CTNNA2: variants seen among roughly 807,000 people sequenced by gnomAD.
The protein encoded by CTNNA2 is catenin alpha 2.
Under a neutral mutation model 101.0 loss-of-function variants are expected in CTNNA2, and 42 were observed. That is an observed-to-expected ratio of 0.42 (90% CI 0.32 to 0.54). The LOEUF is 0.54. CTNNA2 is among the 20% of genes least tolerant of loss of function. CTNNA2 has a pLI of 0.14. For synonymous variants in CTNNA2, 450 were observed against 456.4 expected, an observed-to-expected ratio of 0.99 and a Z score of 0.18; for missense variants, 871 against 1,223.1, an observed-to-expected ratio of 0.71 and a Z score of 4.29.
chr2:79,503,629 T>C (rs998565293), intron 4 of CTNNA2, among the ~76,000 whole-genome samples: 4 of 152,176 alleles, frequency 2.6e-5, no homozygotes, highest in African/African-American at 9.7e-5. Flanking sequence ...CCATACACTA[T>C]GTAGTATCAG....
At chr2:79,724,595 C>A (rs966835452) in intron 2 of CTNNA2, among the ~76,000 whole-genome samples, 8 of 151,930 alleles carry the variant, frequency 5.3e-5, no homozygotes, top group Non-Finnish European at 5.9e-5. Flanking sequence ...GCGGTCGCAT[C>A]AGGAGGTCAG....
At chr2:80,022,527 A>G (rs1205165649) in intron 7 of CTNNA2, among the ~76,000 whole-genome samples, 1 of 152,128 alleles carries the variant, frequency 6.6e-6, no homozygotes. Context: ...GTACTTTGGG[A>G]GGCTGAGGCA....
intron 6 of CTNNA2, among the ~76,000 whole-genome samples, chr2:79,909,303 A>C (rs1685631410): frequency 6.6e-6 from 1 of 152,262 alleles, no homozygotes; most frequent in Non-Finnish European, 1.5e-5. Context: ...CGTATTTTAA[A>C]AATGCCAAAA....
At chr2:80,505,118 T>C (rs1180406493) in intron 9 of CTNNA2, among the ~76,000 whole-genome samples, 1 of 152,118 alleles carries the variant, frequency 6.6e-6, no homozygotes, top group Non-Finnish European at 1.5e-5. Context: ...TATGTTCACA[T>C]TGGAGAATAA....
At chr2:79,371,329 C>A (rs1481522516) in intron 3 of CTNNA2, among the ~76,000 whole-genome samples, 2 of 151,952 alleles carry the variant, frequency 1.3e-5, no homozygotes, top group African/African-American at 4.8e-5. Context: ...GACGAGCAGG[C>A]AAATGCACCG....
chr2:79,534,555 T>TA (rs1672940503), intron 1 of CTNNA2, among the ~76,000 whole-genome samples: 1 of 152,042 alleles, frequency 6.6e-6, no homozygotes, highest in Admixed American at 6.6e-5. Flanking sequence ...GTAAGCCTCA[T>TA]AGAGTTGAGG....
intron 3 of CTNNA2, among the ~76,000 whole-genome samples, chr2:79,755,539 T>C (rs1226857684): frequency 6.6e-6 from 1 of 152,184 alleles, no homozygotes; most frequent in Non-Finnish European, 1.5e-5. Context: ...TACAAGTGTT[T>C]CTCAGAGTGA....
rs1553418423 is a variant in CTNNA2 at position 80,639,513 on chromosome 2, A to ATATGTGTGTGTGTG, written c.2575-8071_2575-8070insATGTGTGTGTGTGT. 1.6e-4 allele frequency among the ~76,000 whole-genome samples: 24 copies of ATATGTGTGTGTGTG among 147,518 alleles called. No homozygotes were observed. The South Asian group carries it at 3.7e-3, about 23-fold the overall frequency. The stretch of plus-strand genomic sequence containing the variant: ...GCATGAACCACCATGCCCAGCCTTG[A>ATATGTGTGTGTGTG]TGTGTGTGTGTGTGTGTGTGTGTGT... On this transcript the variant is annotated intron_variant, in intron 18 of 18. Coordinates refer to ENST00000402739, the MANE Select transcript of CTNNA2 (RefSeq NM_001282597.3).
rs952867406 is a variant in CTNNA2 at position 79,224,020 on chromosome 2, G to A, written c.-406+25944G>A. Among the ~76,000 whole-genome samples the A allele has an allele frequency of 2.6e-5, 4 of 152,202 alleles. No homozygotes were observed. In the East Asian group the frequency reaches 7.7e-4, roughly 29 times the overall value. On this transcript the variant is annotated intron_variant, in intron 2 of 21. Coordinates refer to the CTNNA2 transcript ENST00000466387. ...CAGACTTTGAAATCAGTAATAGGTT[G>A]AGATAAAAGCATTCTTCCGTTGTAC...
chr2:79,601,117 C>A (rs1458793635), intron 1 of CTNNA2, among the ~76,000 whole-genome samples: 2 of 152,078 alleles, frequency 1.3e-5, no homozygotes, highest in Non-Finnish European at 2.9e-5. Context: ...GTTCACATTG[C>A]AGATAGAAAT....
chr2:80,560,054 CA>C (rs70940085), intron 12 of CTNNA2, among the ~76,000 whole-genome samples: 114 of 54,998 alleles, frequency 2.1e-3, no homozygotes, highest in African/African-American at 6.6e-3. Context: ...AACAATAGAC[CA>C]AAAAAAAAAA....
chr2:79,652,778 A>G (rs1322538015), intron 2 of CTNNA2, among the ~76,000 whole-genome samples: 4 of 152,124 alleles, frequency 2.6e-5, no homozygotes, highest in African/African-American at 9.7e-5. Context: ...CTGGCTCCCC[A>G]AAGATTCAGA....
chr2:80,466,677 A>G (rs1684881237), intron 9 of CTNNA2, among the ~76,000 whole-genome samples: 1 of 152,236 alleles, frequency 6.6e-6, no homozygotes, highest in Non-Finnish European at 1.5e-5. Context: ...TGATTGATAC[A>G]TGAAAAGTTC....
At chr2:80,620,351 CTCA>C (rs1558651012) in intron 18 of CTNNA2, among the ~76,000 whole-genome samples, 1 of 151,470 alleles carries the variant, frequency 6.6e-6, no homozygotes. Flanking sequence ...TCCTTTCTGT[CTCA>C]TCAACGGCTT....
At chr2:80,114,567 G>T (rs563175175) in intron 7 of CTNNA2, among the ~76,000 whole-genome samples, 2 of 152,124 alleles carry the variant, frequency 1.3e-5, no homozygotes, top group Non-Finnish European at 2.9e-5. Flanking sequence ...AAAAAATAAA[G>T]AAGCAGCAAA....
chr2:80,201,992 A>G (rs1315758161), intron 7 of CTNNA2, among the ~76,000 whole-genome samples: 2 of 152,188 alleles, frequency 1.3e-5, no homozygotes, highest in Admixed American at 6.5e-5. Flanking sequence ...CTGAGCAAGG[A>G]AAACATTCTT....
chr2:80,384,216 A>G (rs1252563194), intron 7 of CTNNA2, among the ~76,000 whole-genome samples: 2 of 152,098 alleles, frequency 1.3e-5, no homozygotes, highest in Non-Finnish European at 2.9e-5. Context: ...TATATCAGGT[A>G]CTATGCTTAG....
At chr2:79,998,205 T>G (rs940016586) in intron 7 of CTNNA2, among the ~76,000 whole-genome samples, 3 of 152,190 alleles carry the variant, frequency 2.0e-5, no homozygotes, top group Admixed American at 1.3e-4. Context: ...AGATGAATAG[T>G]AGCAATAAAT....
At chr2:80,128,744 C>G (rs988526935) in intron 7 of CTNNA2, among the ~76,000 whole-genome samples, 6 of 152,112 alleles carry the variant, frequency 3.9e-5, no homozygotes, top group Admixed American at 6.6e-5. Context: ...GATATTTTAT[C>G]TGTTCCATCT....
Sources: allele counts gnomAD v4.1 joint callset (sites outside exome capture counted in the v4.1 genomes callset), GRCh38; gene constraint gnomAD v4.1.1; transcripts MANE v1.5; gene names NCBI Gene and HGNC (gene_info 2026-07-23, HGNC 2026-07-21).